ARL15: variants seen among roughly 807,000 people sequenced by gnomAD.
ARL15 encodes ADP-ribosylation factor-like protein 15.
Under a neutral mutation model 25.2 loss-of-function variants are expected in ARL15, and 19 were observed. The ratio of observed to expected loss-of-function variants is 0.75; its 90% CI spans 0.53 to 1.10. ARL15 has a LOEUF of 1.10. ARL15 is among the 50% of genes least tolerant of loss of function. ARL15 has a pLI of 0.00. For missense variants in ARL15, 220 were observed against 246.0 expected (o/e 0.89, Z 0.71); for synonymous variants, 94 against 86.8 (o/e 1.08, Z -0.46).
At chr5:54,213,694 A>G (rs1253688130) in intron 1 of ARL15, among the ~76,000 whole-genome samples, 2 of 152,216 alleles carry the variant, frequency 1.3e-5, no homozygotes, top group Non-Finnish European at 2.9e-5. Context: ...TTCCAGTTTT[A>G]TATCCATATA....
intron 1 of ARL15, chr5:54,282,192 C>G (rs1758076711): frequency 1.1e-6 from 1 of 940,030 alleles, no homozygotes; most frequent in Non-Finnish European, 1.3e-6. Flanking sequence ...TAATTGCCAT[C>G]ACTCCACATG....
chr5:54,132,868 C>T (rs868092476), intron 3 of ARL15, among the ~76,000 whole-genome samples: 1 of 152,274 alleles, frequency 6.6e-6, no homozygotes, highest in Middle Eastern at 3.4e-3. Flanking sequence ...TTACTGCAAC[C>T]TGTTTTATTA....
chr5:54,094,580 C>T (rs527261247), intron 4 of ARL15, among the ~76,000 whole-genome samples: 6 of 151,258 alleles, frequency 4.0e-5, no homozygotes, highest in South Asian at 2.1e-4. Flanking sequence ...TTAAGATATG[C>T]TATAATACCT....
intron 3 of ARL15, among the ~76,000 whole-genome samples, chr5:54,150,975 T>G (rs1388550279): frequency 6.6e-6 from 1 of 151,880 alleles, no homozygotes; most frequent in Non-Finnish European, 1.5e-5. Flanking sequence ...TAAAGTGCTG[T>G]AGGTGTAGAG....
At chr5:54,096,964 T>A (rs1436631639) in intron 4 of ARL15, among the ~76,000 whole-genome samples, 1 of 152,154 alleles carries the variant, frequency 6.6e-6, no homozygotes, top group Non-Finnish European at 1.5e-5. Flanking sequence ...GAATCAAGAC[T>A]ATGGGAGTAG....
chr5:54,249,522 G>A (rs1177123135), intron 1 of ARL15, among the ~76,000 whole-genome samples: 2 of 152,126 alleles, frequency 1.3e-5, no homozygotes, highest in East Asian at 3.9e-4. Flanking sequence ...TTAACCTTGG[G>A]AATAAGGAAG....
chr5:53,980,888 G>A (rs761353471), intron 4 of ARL15, among the ~76,000 whole-genome samples: 7 of 152,106 alleles, frequency 4.6e-5, no homozygotes, highest in Admixed American at 6.6e-5. Context: ...GGCTGAGGCC[G>A]TAGGGTCACC....
At chr5:54,181,658 G>A (rs2112430346) in intron 1 of ARL15, among the ~76,000 whole-genome samples, 1 of 152,304 alleles carries the variant, frequency 6.6e-6, no homozygotes, top group African/African-American at 2.4e-5. Context: ...AGGTGGTCGG[G>A]CACAGTCGCT....
intron 1 of ARL15, among the ~76,000 whole-genome samples, chr5:54,200,099 A>T (rs1755670737): frequency 7.0e-6 from 1 of 142,192 alleles, no homozygotes; most frequent in Non-Finnish European, 1.5e-5. Flanking sequence ...AACAATGAGA[A>T]CACATGGACA....
At chr5:53,906,381 A>G (rs1745250571) in intron 4 of ARL15, among the ~76,000 whole-genome samples, 1 of 152,198 alleles carries the variant, frequency 6.6e-6, no homozygotes, top group Non-Finnish European at 1.5e-5. Flanking sequence ...GACAGGTTCC[A>G]GCATGACCAC....
intron 1 of ARL15, among the ~76,000 whole-genome samples, chr5:54,210,077 CT>C (rs970545328): frequency 1.1e-4 from 16 of 152,016 alleles, no homozygotes; most frequent in South Asian, 4.1e-4. Flanking sequence ...ACAATGCCAA[CT>C]TTTTTTTCCT....
intron 3 of ARL15, among the ~76,000 whole-genome samples, chr5:54,113,701 C>T (rs1314276315): frequency 6.6e-6 from 1 of 152,112 alleles, no homozygotes; most frequent in Non-Finnish European, 1.5e-5. Context: ...TAAATACTTC[C>T]TAGACTTAAA....
At chr5:54,021,471 A>G (rs924587653) in intron 4 of ARL15, among the ~76,000 whole-genome samples, 13 of 152,238 alleles carry the variant, frequency 8.5e-5, no homozygotes, top group Non-Finnish European at 1.8e-4. Context: ...ACAATACAAT[A>G]ACTGAACAAT....
At chr5:54,055,842 T>C (rs765096361) in intron 4 of ARL15, among the ~76,000 whole-genome samples, 3 of 152,130 alleles carry the variant, frequency 2.0e-5, no homozygotes, top group Non-Finnish European at 4.4e-5. Context: ...ATTACACTTG[T>C]CACATTGTAT....
intron 1 of ARL15, among the ~76,000 whole-genome samples, chr5:54,219,289 G>A (rs1008495844): frequency 1.3e-5 from 2 of 152,188 alleles, no homozygotes; most frequent in African/African-American, 4.8e-5. Flanking sequence ...TCTCTATGTA[G>A]GGAATGGAGT....
chr5:53,886,512 A>G lies in ARL15; in HGVS notation c.*49T>C, dbSNP rs571776715. 2 of 1,512,388 alleles carry G rather than the reference A, an allele frequency of 1.3e-6. No homozygotes were observed. Among genetic ancestry groups the G allele is most frequent in the African/African-American group, 2.8e-5 (2 of 70,684 alleles). 93.7% of individuals were successfully genotyped at this position (1,512,388 alleles called of 1,614,324 possible). A position where few individuals can be genotyped will look rare whatever the true frequency, so the allele number is the denominator to read the frequency against. On this transcript the variant is annotated 3_prime_UTR_variant, in exon 5 of 5. Transcript: ENST00000504924. Reference sequence around the variant, plus strand: ...CAAAATAAAATTAAAATGAGAAACTAACATGATAGGTTCAAGGCCTTTTGG... The same window carrying G: ...CAAAATAAAATTAAAATGAGAAACTGACATGATAGGTTCAAGGCCTTTTGG...
chr5:54,287,128 C>T lies in ARL15; in HGVS notation c.48+23304G>A, dbSNP rs1022896240. Among the ~76,000 whole-genome samples the T allele has an allele frequency of 9.2e-5, 14 of 152,188 alleles. No homozygotes were observed. In the East Asian group the frequency reaches 2.3e-3, roughly 25 times the overall value. ...CTCCTGGGCTCCAGTGATCCTCCCA[C>T]CTCGGCCTGCCAAAGTGCTGGGATT... On this transcript the variant is annotated intron_variant, in intron 1 of 4. Transcript: ENST00000504924.
intron 4 of ARL15, among the ~76,000 whole-genome samples, chr5:54,100,108 T>C (rs1381200468): frequency 6.6e-6 from 1 of 152,102 alleles, no homozygotes; most frequent in Non-Finnish European, 1.5e-5. Context: ...TCACAAAAAA[T>C]CTAGAAAGAA....
chr5:54,118,267 G>A (rs1462746127), intron 3 of ARL15, among the ~76,000 whole-genome samples: 1 of 152,126 alleles, frequency 6.6e-6, no homozygotes, highest in East Asian at 1.9e-4. Context: ...AGTTATCTAT[G>A]TGAGACTAGA....
Sources: allele counts gnomAD v4.1 joint callset (sites outside exome capture counted in the v4.1 genomes callset), GRCh38; gene constraint gnomAD v4.1.1; transcripts MANE v1.5; gene names NCBI Gene and HGNC (gene_info 2026-07-23, HGNC 2026-07-21).